KCNIP4: variants seen among roughly 807,000 people sequenced by gnomAD.
KCNIP4 encodes Kv channel-interacting protein 4.
In KCNIP4, 12 loss-of-function variants were observed where a neutral mutation model predicts 34.0. The ratio of observed to expected loss-of-function variants is 0.35; its 90% CI spans 0.23 to 0.57. KCNIP4 has a LOEUF of 0.57. Among genes scored for constraint, KCNIP4 ranks in the 20% least tolerant of loss-of-function variants. KCNIP4 has a pLI of 0.83. For missense variants in KCNIP4, 238 were observed against 311.7 expected (o/e 0.76, Z 1.78); for synonymous variants, 124 against 102.2 (o/e 1.21, Z -1.29).
At chr4:21,589,654 C>T (rs1308994018) in intron 1 of KCNIP4, among the ~76,000 whole-genome samples, 1 of 151,870 alleles carries the variant, frequency 6.6e-6, no homozygotes, top group Non-Finnish European at 1.5e-5. Context: ...GGACAGAAGG[C>T]AAATTATGCT....
chr4:21,049,662 A>C (rs539116365), intron 1 of KCNIP4, among the ~76,000 whole-genome samples: 1 of 152,298 alleles, frequency 6.6e-6, no homozygotes, highest in Non-Finnish European at 1.5e-5. Context: ...CATAGCACTC[A>C]GGACACCTGA....
chr4:21,051,300 A>G (rs1742907318), intron 1 of KCNIP4, among the ~76,000 whole-genome samples: 1 of 152,230 alleles, frequency 6.6e-6, no homozygotes, highest in Admixed American at 6.5e-5. Flanking sequence ...AGCAAGGTAA[A>G]TGGCAAGTCC....
chr4:20,952,525 T>C (rs1208193008), intron 1 of KCNIP4, among the ~76,000 whole-genome samples: 1 of 152,128 alleles, frequency 6.6e-6, no homozygotes, highest in Non-Finnish European at 1.5e-5. Flanking sequence ...GAAACAAAAC[T>C]ATATGTTCAA....
At chr4:21,752,685 C>T (rs1001223983) in intron 1 of KCNIP4, among the ~76,000 whole-genome samples, 29 of 152,314 alleles carry the variant, frequency 1.9e-4, no homozygotes, top group African/African-American at 7.0e-4. Context: ...TTAAGAAAGA[C>T]TTCCTGTAAA....
intron 1 of KCNIP4, among the ~76,000 whole-genome samples, chr4:21,683,099 G>C (rs564352510): frequency 6.6e-6 from 1 of 152,244 alleles, no homozygotes; most frequent in South Asian, 2.1e-4. Context: ...ATACGATGAG[G>C]CATGCCTGTA....
intron 1 of KCNIP4, among the ~76,000 whole-genome samples, chr4:21,884,894 A>C (rs886284947): frequency 6.6e-6 from 1 of 152,140 alleles, no homozygotes; most frequent in East Asian, 1.9e-4. Context: ...TCGTGGCTCC[A>C]GCTCACTACT....
chr4:20,851,232 G>A (rs1336082173), intron 2 of KCNIP4, among the ~76,000 whole-genome samples: 1 of 152,106 alleles, frequency 6.6e-6, no homozygotes, highest in African/African-American at 2.4e-5. Flanking sequence ...CCCTGGCAGT[G>A]TCCATGTGTT....
intron 1 of KCNIP4, among the ~76,000 whole-genome samples, chr4:21,578,432 T>C (rs539310113): frequency 6.6e-6 from 1 of 152,016 alleles, no homozygotes; most frequent in South Asian, 2.1e-4. Context: ...GCCCAGTTTT[T>C]ATATGCTCAG....
intron 1 of KCNIP4, among the ~76,000 whole-genome samples, chr4:21,097,440 C>T (rs569048020): frequency 6.6e-6 from 1 of 152,048 alleles, no homozygotes; most frequent in Non-Finnish European, 1.5e-5. Context: ...TTTTTGGCAA[C>T]CCTGCATGGA....
At chr4:21,284,904 C>T (rs1300288004) in intron 1 of KCNIP4, among the ~76,000 whole-genome samples, 1 of 151,956 alleles carries the variant, frequency 6.6e-6, no homozygotes, top group Non-Finnish European at 1.5e-5. Flanking sequence ...CTGAGCAGAC[C>T]CCAACAGCCT....
At chr4:21,174,095 G>T (rs1283589903) in intron 1 of KCNIP4, among the ~76,000 whole-genome samples, 1 of 152,128 alleles carries the variant, frequency 6.6e-6, no homozygotes, top group African/African-American at 2.4e-5. Context: ...CTCTAAGTTG[G>T]CGGTTAGTTG....
At chr4:21,792,736 A>AT (rs1371909298) in intron 1 of KCNIP4, among the ~76,000 whole-genome samples, 2 of 152,330 alleles carry the variant, frequency 1.3e-5, no homozygotes, top group East Asian at 1.9e-4. Context: ...ATAGATTTGT[A>AT]TTCCCAGGTT....
chr4:20,997,912 C>G (rs1311035238), intron 1 of KCNIP4, among the ~76,000 whole-genome samples: 1 of 152,054 alleles, frequency 6.6e-6, no homozygotes, highest in Non-Finnish European at 1.5e-5. Context: ...AAAACAGGAA[C>G]GTGTAGAGAG....
At chr4:21,934,537 T>C (rs539973788) in intron 1 of KCNIP4, among the ~76,000 whole-genome samples, 2 of 152,216 alleles carry the variant, frequency 1.3e-5, no homozygotes, top group East Asian at 3.9e-4. Flanking sequence ...CTATACTGTA[T>C]ATAACATAGA....
At chr4:21,329,730 G>A (rs1288269644) in intron 1 of KCNIP4, among the ~76,000 whole-genome samples, 2 of 152,138 alleles carry the variant, frequency 1.3e-5, no homozygotes, top group Non-Finnish European at 2.9e-5. Flanking sequence ...CAAAAAGAAA[G>A]AGCACTCCAA....
At chr4:21,578,917 C>G (rs1025810837) in intron 1 of KCNIP4, among the ~76,000 whole-genome samples, 2 of 152,166 alleles carry the variant, frequency 1.3e-5, no homozygotes, top group African/African-American at 4.8e-5. Context: ...GTTTTGCATG[C>G]TGCAGGTGCT....
chr4:21,340,775 T>C (rs1716683726), intron 1 of KCNIP4, among the ~76,000 whole-genome samples: 1 of 152,046 alleles, frequency 6.6e-6, no homozygotes, highest in African/African-American at 2.4e-5. Context: ...CCAAGTATAT[T>C]TGTGGGAACT....
chr4:21,646,551 T>C (rs988652059), intron 1 of KCNIP4, among the ~76,000 whole-genome samples: 2 of 152,222 alleles, frequency 1.3e-5, no homozygotes, highest in Non-Finnish European at 2.9e-5. Flanking sequence ...GATGTTCTTT[T>C]TTTTTCCTAC....
In KCNIP4 at chr4:20,741,605, C is replaced by T. The variant is rs190825888; in HGVS notation, c.430-6870G>A. 1.7e-4 allele frequency among the ~76,000 whole-genome samples: 26 copies of T among 152,252 alleles called. No individual in the cohort carries two copies. In the East Asian group the frequency reaches 4.4e-3, roughly 26 times the overall value. On this transcript the variant is annotated intron_variant, in intron 5 of 8. Coordinates refer to ENST00000382152, the MANE Select transcript of KCNIP4 (RefSeq NM_025221.6). ...GGAAATTTATAGCACTCAAAGCCCACAAGAGAAAGCAGGAAAGATCTAAAA... is the reference window on the plus strand; with the variant it reads ...GGAAATTTATAGCACTCAAAGCCCATAAGAGAAAGCAGGAAAGATCTAAAA...
Sources: allele counts gnomAD v4.1 joint callset (sites outside exome capture counted in the v4.1 genomes callset), GRCh38; gene constraint gnomAD v4.1.1; transcripts MANE v1.5; gene names NCBI Gene and HGNC (gene_info 2026-07-23, HGNC 2026-07-21).